The following EHBP1 variants were observed in gnomAD, a reference collection of about 807,000 sequenced individuals.
EHBP1 encodes the protein EH domain binding protein 1.
In EHBP1, 55 loss-of-function variants were observed where a neutral mutation model predicts 144.0. The ratio of observed to expected loss-of-function variants is 0.38; its 90% CI spans 0.31 to 0.48. The LOEUF (loss-of-function observed/expected upper bound fraction) is 0.48, where lower values mean the gene tolerates loss of function less well. Among genes scored for constraint, EHBP1 ranks in the 20% least tolerant of loss-of-function variants. The pLI is 0.98. For synonymous variants in EHBP1, 469 were observed against 472.7 expected, an observed-to-expected ratio of 0.99 and a Z score of 0.10; for missense variants, 1,200 against 1,364.2, an observed-to-expected ratio of 0.88 and a Z score of 1.90.
intron 2 of EHBP1, among the ~76,000 whole-genome samples, chr2:62,727,960 C>A (rs530842771): frequency 1.3e-5 from 2 of 152,000 alleles, no homozygotes; most frequent in East Asian, 3.9e-4. Context: ...ACAAAGTGCA[C>A]GATTGACATC....
At chr2:62,709,697 T>C (rs1315678907) in intron 2 of EHBP1, among the ~76,000 whole-genome samples, 2 of 152,094 alleles carry the variant, frequency 1.3e-5, no homozygotes, top group Non-Finnish European at 1.5e-5. Flanking sequence ...TGATAGGATC[T>C]GGACTTAATA....
At chr2:62,988,698 G>A (rs2059294582) in intron 15 of EHBP1, among the ~76,000 whole-genome samples, 1 of 152,134 alleles carries the variant, frequency 6.6e-6, no homozygotes, top group South Asian at 2.1e-4. Context: ...TAAGCCAGCA[G>A]CAAGTAGCAA....
At chr2:63,029,513 A>G (rs1444353773) in intron 19 of EHBP1, among the ~76,000 whole-genome samples, 1 of 150,750 alleles carries the variant, frequency 6.6e-6, no homozygotes. Context: ...CCTCAGGGCT[A>G]TATACACCAT....
At chr2:62,690,571 AAATT>A (rs2033873809) in intron 1 of EHBP1, among the ~76,000 whole-genome samples, 1 of 152,148 alleles carries the variant, frequency 6.6e-6, no homozygotes, top group Non-Finnish European at 1.5e-5. Context: ...TCAAATAAAT[AAATT>A]AATTAAATAA....
chr2:62,940,061 G>T, intron 10 of EHBP1: 1 of 423,318 alleles, frequency 2.4e-6, no homozygotes, highest in Non-Finnish European at 4.7e-6. Context: ...GAGGCACAAA[G>T]GAAAAGAATC....
At chr2:62,696,735 T>A (rs996937562) in intron 1 of EHBP1, among the ~76,000 whole-genome samples, 1 of 151,870 alleles carries the variant, frequency 6.6e-6, no homozygotes, top group African/African-American at 2.4e-5. Flanking sequence ...GCCAGGATGG[T>A]CTTCATCTCT....
chr2:62,856,218 C>A (rs767573680), intron 7 of EHBP1, among the ~76,000 whole-genome samples: 1 of 152,198 alleles, frequency 6.6e-6, no homozygotes, highest in African/African-American at 2.4e-5. Context: ...GAAACATGCC[C>A]CTTGCTCACC....
At chr2:62,978,461 A>G (rs2058815130) in intron 14 of EHBP1, among the ~76,000 whole-genome samples, 3 of 152,266 alleles carry the variant, frequency 2.0e-5, no homozygotes, top group South Asian at 4.1e-4. Flanking sequence ...TTGGCCTCCC[A>G]AAGTGCTGGG....
rs1235014885 is a variant in EHBP1 at position 63,038,816 on chromosome 2, G to C, written c.3277G>C (p.Asp1093His). 6.2e-7 allele frequency: 1 copy of C among 1,612,762 alleles called. No homozygotes were observed. The highest frequency in any genetic ancestry group is 8.5e-7 in the Non-Finnish European group (1 of 1,178,940). The change falls in exon 21 of 23, where the codon GAC becomes CAC. Residue 1093 changes from aspartate (D) to histidine (H), a missense_variant and splice_region_variant. Physicochemically the swap from Asp to His is moderately conservative, Grantham distance 81. This residue lies in a region of EHBP1 where 149 missense variants were observed against 217.0 expected (regional missense o/e 0.69). Transcript: ENST00000431489. ...RELRAMLAIE[D>H]WQKTEAQKRR... Reference sequence around the variant, plus strand: ...ATTGAGGGCAATGCTAGCCATTGAAGGTAAGAAATGCTATGGTGGGGTGAG... The same window carrying C: ...ATTGAGGGCAATGCTAGCCATTGAACGTAAGAAATGCTATGGTGGGGTGAG...
At chr2:63,031,626 T>A (rs867939888) in intron 19 of EHBP1, among the ~76,000 whole-genome samples, 1 of 151,850 alleles carries the variant, frequency 6.6e-6, no homozygotes, top group Non-Finnish European at 1.5e-5. Flanking sequence ...ATATGTAATT[T>A]AAAAAAAATA....
At chr2:62,692,667 A>G (rs1572873768) in intron 1 of EHBP1, among the ~76,000 whole-genome samples, 2 of 152,264 alleles carry the variant, frequency 1.3e-5, no homozygotes, top group South Asian at 2.1e-4. Flanking sequence ...TTGGTCATTT[A>G]TATGTATATC....
intron 2 of EHBP1, among the ~76,000 whole-genome samples, chr2:62,727,609 A>G (rs150872197): frequency 2.6e-5 from 4 of 152,176 alleles, no homozygotes; most frequent in African/African-American, 9.7e-5. Context: ...TTCAAGGTTC[A>G]TCCATGTGTA....
At chr2:62,905,685 G>A (rs1247346577) in intron 10 of EHBP1, among the ~76,000 whole-genome samples, 5 of 151,962 alleles carry the variant, frequency 3.3e-5, no homozygotes, top group African/African-American at 1.2e-4. Flanking sequence ...TTAGCCAGGC[G>A]TGGTGACACA....
Position 62,681,359 on chromosome 2 carries a change from T to TATATATATATATATATATATAA in EHBP1, c.-296+7277_-296+7278insTATATATATATATATATATAAA, listed in dbSNP as rs1553363754. 7.7e-5 allele frequency among the ~76,000 whole-genome samples: 6 copies of TATATATATATATATATATATAA among 78,344 alleles called. No homozygotes were observed. The South Asian group carries it at 1.2e-3, about 16-fold the overall frequency. The allele number at this position is 78,344 out of a possible 152,430, so 51.4% of individuals were successfully genotyped here. On this transcript the variant is annotated intron_variant, in intron 1 of 22. Transcript: ENST00000405015. ...GTGTGTGTATATATATATATATATA[T>TATATATATATATATATATATAA]AATGTGTATATATGTATAAATATAT... is the stretch of plus-strand genomic sequence containing the variant.
intron 3 of EHBP1, among the ~76,000 whole-genome samples, chr2:62,760,478 A>G (rs2040680527): frequency 6.6e-6 from 1 of 152,172 alleles, no homozygotes; most frequent in Non-Finnish European, 1.5e-5. Context: ...AAAAGATTTT[A>G]GTTTGTTAAG....
intron 9 of EHBP1, among the ~76,000 whole-genome samples, chr2:62,872,741 A>G (rs548279025): frequency 6.6e-6 from 1 of 152,116 alleles, no homozygotes; most frequent in Non-Finnish European, 1.5e-5. Flanking sequence ...ACCTATTAAC[A>G]TTTAGTCCCA....
intron 19 of EHBP1, 135 bp downstream of exon 19, chr2:62,996,901 T>C: frequency 2.4e-6 from 3 of 1,251,564 alleles, no homozygotes; most frequent in Non-Finnish European, 2.2e-6. Context: ...GGCTGCGATT[T>C]GCAGCCACCT....
chr2:62,730,743 CAAAG>C (rs1211508646), intron 2 of EHBP1, among the ~76,000 whole-genome samples: 1 of 138,262 alleles, frequency 7.2e-6, no homozygotes, highest in African/African-American at 2.7e-5. Flanking sequence ...CAAAGATACA[CAAAG>C]AGAGAAAGAA....
At chr2:62,936,961 T>C (rs976244016) in intron 10 of EHBP1, among the ~76,000 whole-genome samples, 1 of 152,196 alleles carries the variant, frequency 6.6e-6, no homozygotes, top group Non-Finnish European at 1.5e-5. Context: ...GCTACAACTT[T>C]AGCAATGTTA....
Sources: gnomAD v4.1 joint callset for allele counts (sites outside exome capture counted in the v4.1 genomes callset) on GRCh38, gnomAD v4.1.1 for gene constraint, gnomAD v4.1.1 regional missense constraint, MANE v1.5 for transcripts, NCBI Gene and HGNC (gene_info 2026-07-23, HGNC 2026-07-21) for gene names.